Variants in LRP8 observed in about 807,000 individuals in gnomAD.
LRP8 encodes low-density lipoprotein receptor-related protein 8.
In LRP8, 46 loss-of-function variants were observed where a neutral mutation model predicts 111.6. The ratio of observed to expected loss-of-function variants is 0.41; its 90% confidence interval spans 0.33 to 0.53. The LOEUF is 0.53. LRP8 is among the 20% of genes least tolerant of loss of function. The pLI is 0.20. For missense variants in LRP8, 959 were observed against 1,297.4 expected (o/e 0.74, Z 4.01); for synonymous variants, 464 against 511.2 (o/e 0.91, Z 1.24).
intron 3 of LRP8, among the ~76,000 whole-genome samples, chr1:53,288,967 C>G (rs535583642): frequency 3.7e-4 from 57 of 152,270 alleles, no homozygotes; most frequent in African/African-American, 1.4e-3. Flanking sequence ...CTCCCCCTGC[C>G]TGCCTCTGCT....
chr1:53,254,156 G>A (rs1339892987), intron 16 of LRP8, among the ~76,000 whole-genome samples: 1 of 152,084 alleles, frequency 6.6e-6, no homozygotes. Context: ...CAAAGATACT[G>A]CTACGAGATG....
At chr1:53,277,194 T>C (rs1350540734) in intron 4 of LRP8, 116 bp from the exon 5 acceptor site, 4 of 1,317,616 alleles carry the variant, frequency 3.0e-6, no homozygotes, top group Admixed American at 4.0e-5. Flanking sequence ...CAAGTGCCCT[T>C]TGGGGGCTGA....
At chr1:53,258,545 T>C (rs2100364976) in intron 13 of LRP8, 74 bp from the exon 14 acceptor site, 1 of 1,403,684 alleles carries the variant, frequency 7.1e-7, no homozygotes, top group East Asian at 2.4e-5. Flanking sequence ...AGGATGAGGC[T>C]TCTCCCACCT....
intron 6 of LRP8, among the ~76,000 whole-genome samples, chr1:53,272,976 A>AG (rs1219633538): frequency 1.3e-5 from 2 of 152,182 alleles, no homozygotes; most frequent in Non-Finnish European, 2.9e-5. Flanking sequence ...TGGCCCTGAA[A>AG]GGGGGAAGGG....
intron 2 of LRP8, among the ~76,000 whole-genome samples, chr1:53,321,060 C>T (rs968931440): frequency 4.6e-5 from 7 of 152,250 alleles, no homozygotes; most frequent in Non-Finnish European, 7.3e-5. Flanking sequence ...AATTGTCCAA[C>T]GTGGTCCCAG....
At chr1:53,283,418 G>GGGCCACTTACTTACTACATACCCA in intron 3 of LRP8, among the ~76,000 whole-genome samples, 1 of 148,628 alleles carries the variant, frequency 6.7e-6, no homozygotes, top group Non-Finnish European at 1.5e-5. Flanking sequence ...TGGCATACCC[G>GGGCCACTTACTTACTACATACCCA]GGCCACTTAC....
chr1:53,274,955 C>T (rs2100416732), intron 6 of LRP8: 1 of 402,006 alleles, frequency 2.5e-6, no homozygotes, highest in South Asian at 1.8e-5. Flanking sequence ...CCAGGACAGA[C>T]AGGTAAATCC....
intron 3 of LRP8, among the ~76,000 whole-genome samples, chr1:53,283,128 G>A (rs1011804168): frequency 6.6e-6 from 1 of 152,124 alleles, no homozygotes; most frequent in African/African-American, 2.4e-5. Flanking sequence ...TTTAGGAGGT[G>A]ATTAAGCCAT....
In LRP8 at chr1:53,279,304, ACCT is replaced by A. The variant is rs1647031914; in HGVS notation, c.496+1280_496+1282del. On this transcript the variant is annotated intron_variant, in intron 4 of 18. Coordinates refer to ENST00000306052, the MANE Select transcript of LRP8 (RefSeq NM_004631.5). This position sits in a 1 kb window ranked among gnomAD's most constrained non-coding sequence, Gnocchi z 4.4. ...TAGAAGCCCAGTAAGACCTTCTGAC[ACCT>A]CTCTCTCCCATAATTAATGGGGAAT... Among the ~76,000 whole-genome samples the A allele has an allele frequency of 6.6e-6, 1 of 152,050 alleles. No homozygotes were observed. Among genetic ancestry groups the A allele is most frequent in the Admixed American group, 6.5e-5 (1 of 15,278 alleles).
At chr1:53,319,001 A>G (rs1169960214) in intron 2 of LRP8, among the ~76,000 whole-genome samples, 1 of 152,214 alleles carries the variant, frequency 6.6e-6, no homozygotes. Context: ...ACTTTCAGCT[A>G]ACCAGAAGTT....
chr1:53,269,941 TG>T (rs1646709385), intron 8 of LRP8, among the ~76,000 whole-genome samples: 1 of 152,196 alleles, frequency 6.6e-6, no homozygotes, highest in African/African-American at 2.4e-5. Flanking sequence ...CTGGCTGAAT[TG>T]ATCAATGTGT....
rs1557882979 is a variant in LRP8 at position 53,327,841 on chromosome 1, CAGCAGCAGCAGCA to C, written c.59_71del (p.Leu20ArgfsTer50). The C allele has an allele frequency of 1.1e-4, 116 of 1,071,950 alleles. No individual in the cohort carries two copies. In the African/African-American group the frequency reaches 1.2e-3, roughly 12 times the overall value. 66.4% of individuals were successfully genotyped at this position (1,071,950 alleles called of 1,614,324 possible). On this transcript the variant is annotated frameshift_variant, in exon 1 of 19. Coordinates refer to ENST00000306052, the MANE Select transcript of LRP8 (RefSeq NM_004631.5). LOFTEE classifies it high-confidence loss of function. ...CTGCCGCCGCAAGATGCTGGAGCTG[CAGCAGCAGCAGCA>C]GCAGCAGCAGCAGCAGCAGCGCCAG...
chr1:53,251,399 G>A (rs1572420245), intron 16 of LRP8, among the ~76,000 whole-genome samples: 1 of 151,996 alleles, frequency 6.6e-6, no homozygotes, highest in East Asian at 1.9e-4. Context: ...ATTTCCAAAG[G>A]TGAGGCTCCA....
intron 2 of LRP8, among the ~76,000 whole-genome samples, chr1:53,321,001 C>T (rs555848080): frequency 8.5e-5 from 13 of 152,286 alleles, no homozygotes; most frequent in East Asian, 7.7e-4. Flanking sequence ...GAAATGAGAA[C>T]GAAAAACTAG....
chr1:53,294,370 G>T lies in LRP8; in HGVS notation c.245-4681C>A, dbSNP rs1489164727. 3.3e-5 allele frequency among the ~76,000 whole-genome samples: 5 copies of T among 152,192 alleles called. No individual in the cohort carries two copies. The highest frequency in any genetic ancestry group is 7.3e-5 in the Non-Finnish European group (5 of 68,030). On this transcript the variant is annotated intron_variant, in intron 2 of 18. Coordinates refer to ENST00000306052, the MANE Select transcript of LRP8 (RefSeq NM_004631.5). This position sits in a 1 kb window ranked among gnomAD's most constrained non-coding sequence, Gnocchi z 4.1. ...GAGTGGGAAATCCAGGACAAAGGAA[G>T]TGGGAAATGCTATTTATAACAAGAA...
intron 8 of LRP8, among the ~76,000 whole-genome samples, chr1:53,269,717 C>G (rs1277684488): frequency 6.6e-6 from 1 of 152,164 alleles, no homozygotes; most frequent in Non-Finnish European, 1.5e-5. Flanking sequence ...TATTCCCATT[C>G]TCTACTTTCT....
At chr1:53,265,305 G>T (rs992493911) in intron 9 of LRP8, among the ~76,000 whole-genome samples, 1 of 152,102 alleles carries the variant, frequency 6.6e-6, no homozygotes, top group African/African-American at 2.4e-5. Flanking sequence ...GCTCTCTTAC[G>T]ATCCAGACTG....
chr1:53,267,721 A>G (rs1646626642), intron 8 of LRP8: 1 of 152,234 alleles, frequency 6.6e-6, no homozygotes, highest in South Asian at 2.1e-4. Context: ...TTAGATTTTA[A>G]GATGATAAAT....
In LRP8 at chr1:53,326,914, T is replaced by G. The variant is rs1332312307; in HGVS notation, c.203A>C (p.Glu68Ala). The change falls in exon 2 of 19, where the codon GAG becomes GCG. Residue 68 changes from glutamate (E) to alanine (A), a missense_variant. By Grantham distance (107) the Glu-to-Ala change is moderately radical. This residue lies in a region of LRP8 where 97 missense variants were observed against 107.5 expected (regional missense o/e 0.90). Transcript: ENST00000306052. ...GCTGTGGTCTAAGCAGTCATCGTCC[T>G]CGTCGCATCTCCACACAGAGGGGAT... Reference protein sequence around the residue: ...RCIPSVWRCDEDDDCLDHSDE... With the variant: ...RCIPSVWRCDADDDCLDHSDE... 2 of 1,613,962 alleles carry G rather than the reference T, an allele frequency of 1.2e-6. No individual in the cohort carries two copies. The highest frequency in any genetic ancestry group is 2.2e-5 in the East Asian group (1 of 44,868).
Sources: allele counts gnomAD v4.1 joint callset (sites outside exome capture counted in the v4.1 genomes callset), GRCh38; gene constraint gnomAD v4.1.1; regional missense constraint gnomAD v4.1.1; non-coding constraint Gnocchi (gnomAD v3.1); transcripts MANE v1.5; gene names NCBI Gene and HGNC (gene_info 2026-07-23, HGNC 2026-07-21).